TNS2: variants seen among roughly 807,000 people sequenced by gnomAD.
TNS2 encodes the protein tensin 2.
In TNS2, 77 loss-of-function variants were observed where a neutral mutation model predicts 155.7. The ratio of observed to expected loss-of-function variants is 0.49; its 90% CI spans 0.41 to 0.60. The LOEUF (loss-of-function observed/expected upper bound fraction) is 0.60, where lower values mean the gene tolerates loss of function less well. TNS2 is among the 20% of genes least tolerant of loss of function. The pLI is 0.00. For missense variants in TNS2, 1,703 were observed against 1,868.8 expected (o/e 0.91, Z 1.64); for synonymous variants, 726 against 763.9 (o/e 0.95, Z 0.82).
At chr12:53,049,278 G>T (rs765604952), upstream of TNS2, 36 of 1,587,828 alleles carry the variant, frequency 2.3e-5, 1 homozygote, top group East Asian at 3.2e-4. Context: ...GTTGCCGCGG[G>T]GGGAGGGTGC....
In TNS2 at chr12:53,060,390, T is replaced by C; in HGVS notation, c.2618-15T>C. On this transcript the variant is annotated splice_polypyrimidine_tract_variant and intron_variant, in intron 18 of 28. Transcript: ENST00000314250. The surrounding 1 kb of genome is among the most constrained non-coding windows in gnomAD (Gnocchi z 6.1). Reference sequence around the variant, plus strand: ...CCCCATCCTGCTCACAGCCCACCTCTCCCCTTCACTGCAGAGTCGCTGGAG... The same window carrying C: ...CCCCATCCTGCTCACAGCCCACCTCCCCCCTTCACTGCAGAGTCGCTGGAG... 2 of 1,609,238 alleles carry C rather than the reference T, an allele frequency of 1.2e-6. No individual in the cohort carries two copies. The highest frequency in any genetic ancestry group is 1.7e-6 in the Non-Finnish European group (2 of 1,177,290).
rs776776855 is a variant in TNS2, at chr12:53,059,592, C to A, written c.1951C>A (p.Leu651Ile). 1 of 1,610,360 alleles carries A rather than the reference C, an allele frequency of 6.2e-7. No homozygotes were observed. The highest frequency in any genetic ancestry group is 1.3e-5 in the African/African-American group (1 of 74,808). Residue 651 changes from leucine (L) to isoleucine (I), a missense_variant, in exon 18 of 29, where the codon CTA becomes ATA. Physicochemically the swap from Leu to Ile is conservative, Grantham distance 5 (BLOSUM62 2). Transcript: ENST00000314250. The surrounding 1 kb of genome is among the most constrained non-coding windows in gnomAD (Gnocchi z 4.7). ...CCTCTGCCGATCGCTGTCAGAGGGGCTATACCCCTACCCACCTGAGATGGG... is the reference window on the plus strand; with the variant it reads ...CCTCTGCCGATCGCTGTCAGAGGGGATATACCCCTACCCACCTGAGATGGG... ...RRLCRSLSEG[L>I]YPYPPEMGKP...
In TNS2 at chr12:53,063,607, G is replaced by A. The variant is rs574894624; in HGVS notation, c.4091+15G>A. The stretch of plus-strand genomic sequence containing the variant: ...ACCACCTCCAAGTAAGCCTCCCCAC[G>A]AATTCAGCCTCTTCCTTCCAAGGGA... On this transcript the variant is annotated intron_variant, in intron 28 of 28. Coordinates refer to ENST00000314250, the MANE Select transcript of TNS2 (RefSeq NM_170754.4). This position sits in a 1 kb window ranked among gnomAD's most constrained non-coding sequence, Gnocchi z 5.6. The A allele has an allele frequency of 7.4e-6, 12 of 1,613,484 alleles. No individual in the cohort carries two copies. The highest frequency in any genetic ancestry group is 1.3e-5 in the African/African-American group (1 of 74,808).
Position 53,059,410 on chromosome 12 carries a change from G to T in TNS2, c.1769G>T (p.Arg590Leu). ...VYPGHRPGLS[R>L]HCSCRQGYRE... ...CCAGGCCATAGGCCTGGCCTCAGCCGCCACTGCTCCTGCCGCCAGGGCTAC... is the reference window on the plus strand; with the variant it reads ...CCAGGCCATAGGCCTGGCCTCAGCCTCCACTGCTCCTGCCGCCAGGGCTAC... The change falls in exon 18 of 29, where the codon CGC becomes CTC. Residue 590 changes from arginine (R) to leucine (L), a missense_variant. Physicochemically the swap from Arg to Leu is moderately radical, Grantham distance 102. Transcript: ENST00000314250. The surrounding 1 kb of genome is among the most constrained non-coding windows in gnomAD (Gnocchi z 4.7). The T allele has an allele frequency of 6.1e-6, 9 of 1,473,600 alleles. No individual in the cohort carries two copies. Among genetic ancestry groups the T allele is most frequent in the Non-Finnish European group, 8.1e-6 (9 of 1,113,452 alleles). The allele number at this position is 1,473,600 out of a possible 1,614,324, so 91.3% of individuals were successfully genotyped here. A position where few individuals can be genotyped will look rare whatever the true frequency, so the allele number is the denominator to read the frequency against.
chr12:53,052,417 G>T, intron 2 of TNS2, 38 bp from the exon 3 acceptor site: 1 of 1,613,386 alleles, frequency 6.2e-7, no homozygotes, highest in Non-Finnish European at 8.5e-7. Flanking sequence ...TGTCCCACAG[G>T]CCCCTGCTAA....
At chr12:53,052,000 C>A (rs752894258) in intron 2 of TNS2, 37 bp downstream of exon 2, 104 of 1,532,116 alleles carry the variant, frequency 6.8e-5, no homozygotes, top group Middle Eastern at 3.4e-4. Context: ...AGACCCTCCA[C>A]CCAGTACCAC....
In TNS2 at chr12:53,050,230, G is replaced by T; in HGVS notation, c.45G>T (p.Gly15=). ...GPVERLLRAL[G]RRDSSRAASR... is the part of the protein sequence containing the mutation. Reference sequence around the variant, plus strand: ...TGGAGAGGCTGCTCAGAGCCCTGGGGAGGAGGGACAGCAGCCGGGCCGCAA... The same window carrying T: ...TGGAGAGGCTGCTCAGAGCCCTGGGTAGGAGGGACAGCAGCCGGGCCGCAA... The change falls in exon 1 of 29, where the codon GGG becomes GGT. Residue 15 remains glycine (G), a synonymous_variant. Transcript: ENST00000314250. This position sits in a 1 kb window ranked among gnomAD's most constrained non-coding sequence, Gnocchi z 4.7. 1 of 1,610,598 alleles carries T rather than the reference G, an allele frequency of 6.2e-7. No homozygotes were observed.
chr12:53,063,134 C>T lies in TNS2; in HGVS notation c.3869C>T (p.Thr1290Met), dbSNP rs747761927. 8 of 1,595,498 alleles carry T rather than the reference C, an allele frequency of 5.0e-6. No homozygotes were observed. Among genetic ancestry groups the T allele is most frequent in the Admixed American group, 1.7e-5 (1 of 57,416 alleles). ...ACCTCAGTGGAGACAGAGTCACTGA[C>T]GGGCCCCCAAGCTGTGGCCCGGGCC... Reference protein sequence around the residue: ...YLTSVETESLTGPQAVARASS... With the variant: ...YLTSVETESLMGPQAVARASS... Residue 1290 changes from threonine (T) to methionine (M), a missense_variant, in exon 26 of 29, where the codon ACG becomes ATG. Physicochemically the swap from Thr to Met is moderately conservative, Grantham distance 81. Coordinates refer to ENST00000314250, the MANE Select transcript of TNS2 (RefSeq NM_170754.4). The surrounding 1 kb of genome is among the most constrained non-coding windows in gnomAD (Gnocchi z 5.6).
Position 53,059,700 on chromosome 12 carries a change from C to G in TNS2, c.2059C>G (p.Leu687Val), listed in dbSNP as rs763398701. The change falls in exon 18 of 29, where the codon CTA becomes GTA. Residue 687 changes from leucine (L) to valine (V), a missense_variant. Transcript: ENST00000314250. The surrounding 1 kb of genome is among the most constrained non-coding windows in gnomAD (Gnocchi z 4.7). ...CCTGGAGGACCCTGGGCTGCCTGCCCTATACCCATGCCCAGCCTGCGAGGA... is the reference window on the plus strand; with the variant it reads ...CCTGGAGGACCCTGGGCTGCCTGCCGTATACCCATGCCCAGCCTGCGAGGA... ...VILEDPGLPA[L>V]YPCPACEEKL... 77 of 1,613,056 alleles carry G rather than the reference C, an allele frequency of 4.8e-5. No individual in the cohort carries two copies. The highest frequency in any genetic ancestry group is 5.8e-5 in the Non-Finnish European group (69 of 1,179,946).
chr12:53,060,199 G>A lies in TNS2; in HGVS notation c.2558G>A (p.Gly853Glu). ...KLSYEIPTEE[G>E]GDRYPLPGHL... ...AGCTACGAGATCCCTACGGAGGAGG[G>A]AGGGGACAGGTACCCATTGCCTGGG... Residue 853 changes from glycine (G) to glutamate (E), a missense_variant, in exon 18 of 29, where the codon GGA becomes GAA. Physicochemically the swap from Gly to Glu is moderately conservative, Grantham distance 98. Coordinates refer to ENST00000314250, the MANE Select transcript of TNS2 (RefSeq NM_170754.4). The surrounding 1 kb of genome is among the most constrained non-coding windows in gnomAD (Gnocchi z 6.1). The A allele has an allele frequency of 6.3e-7, 1 of 1,582,106 alleles. No homozygotes were observed. The highest frequency in any genetic ancestry group is 8.6e-7 in the Non-Finnish European group (1 of 1,163,354).
At chr12:53,061,288 G>A (rs770073984) in intron 20 of TNS2, 24 bp downstream of exon 20, 7 of 1,599,154 alleles carry the variant, frequency 4.4e-6, no homozygotes, top group Admixed American at 3.4e-5. Flanking sequence ...GAGGGGGTTG[G>A]TGCCACCTTG....
rs1186628065 is a variant in TNS2 at position 53,063,294 on chromosome 12, G to A, written c.3992+37G>A. 1 of 1,613,946 alleles carries A rather than the reference G, an allele frequency of 6.2e-7. No homozygotes were observed. Among genetic ancestry groups the A allele is most frequent in the Admixed American group, 1.7e-5 (1 of 60,006 alleles). ...CAGCCCTGTAGAACCCCATGCTTAA[G>A]GCCCCTGGGGGCTCATGTTTCTGAG... is the stretch of plus-strand genomic sequence containing the variant. On this transcript the variant is annotated intron_variant, in intron 26 of 28. Transcript: ENST00000314250. The surrounding 1 kb of genome is among the most constrained non-coding windows in gnomAD (Gnocchi z 5.6).
chr12:53,055,024 C>A (rs184743992), intron 7 of TNS2, among the ~76,000 whole-genome samples, 162 bp from the exon 8 acceptor site: 3 of 151,882 alleles, frequency 2.0e-5, no homozygotes, highest in African/African-American at 4.8e-5. Flanking sequence ...CCTCAGGTGA[C>A]CCGCCCGCCT....
chr12:53,062,348 C>T (rs1287273039), intron 23 of TNS2, 28 bp from the exon 24 acceptor site: 4 of 1,613,314 alleles, frequency 2.5e-6, no homozygotes, highest in Non-Finnish European at 1.7e-6. Context: ...CTGGGCATCT[C>T]GGGACTTTCC....
rs1944128830 is a variant in TNS2 at position 53,055,772 on chromosome 12, G to A, written c.697-9G>A. On this transcript the variant is annotated splice_polypyrimidine_tract_variant and intron_variant, in intron 9 of 28. Coordinates refer to ENST00000314250, the MANE Select transcript of TNS2 (RefSeq NM_170754.4). ...CCCAGACCCTCATCCCTGTCTCTCT[G>A]TCTGTCAGGGAAACAAGGGCAAGCT... 3 of 1,614,120 alleles carry A rather than the reference G, an allele frequency of 1.9e-6. No individual in the cohort carries two copies. Among genetic ancestry groups the A allele is most frequent in the South Asian group, 1.1e-5 (1 of 91,094 alleles).
intron 3 of TNS2, chr12:53,053,062 G>C (rs1943998384): frequency 2.6e-6 from 1 of 377,472 alleles, no homozygotes; most frequent in African/African-American, 2.1e-5. Flanking sequence ...GCTGGCTTGG[G>C]GGAGCTGTGT....
At position 53,054,218 on chromosome 12, in the gene TNS2, C is replaced by T. The variant is rs1944044146; in HGVS notation, c.351-52C>T. The T allele has an allele frequency of 2.5e-6, 4 of 1,608,562 alleles. 1 individual carries two copies. The South Asian group carries it at 4.4e-5, about 18-fold the overall frequency. On this transcript the variant is annotated intron_variant, in intron 6 of 28. Coordinates refer to ENST00000314250, the MANE Select transcript of TNS2 (RefSeq NM_170754.4). ...ACAGACAGCCTTCCCGTCACACTAGCCACCTCCGGGTGCCCCGCCCCTGCG... is the reference window on the plus strand; with the variant it reads ...ACAGACAGCCTTCCCGTCACACTAGTCACCTCCGGGTGCCCCGCCCCTGCG...
chr12:53,057,954 C>T (rs1944218941), intron 13 of TNS2, 73 bp from the exon 14 acceptor site: 18 of 1,608,558 alleles, frequency 1.1e-5, no homozygotes, highest in Non-Finnish European at 1.4e-5. Flanking sequence ...TCTCCTGGCT[C>T]CCCCTGACTG....
In TNS2 at chr12:53,063,070, C is replaced by T; in HGVS notation, c.3824-19C>T. On this transcript the variant is annotated intron_variant, in intron 25 of 28. Coordinates refer to ENST00000314250, the MANE Select transcript of TNS2 (RefSeq NM_170754.4). This position sits in a 1 kb window ranked among gnomAD's most constrained non-coding sequence, Gnocchi z 5.6. ...AGGGGATGGGCACTCCCTCCCTGACCCACTCCCTGCCCCTGTAGCCTGCAG... is the reference window on the plus strand; with the variant it reads ...AGGGGATGGGCACTCCCTCCCTGACTCACTCCCTGCCCCTGTAGCCTGCAG... The T allele has an allele frequency of 6.6e-7, 1 of 1,516,250 alleles. No homozygotes were observed. Among genetic ancestry groups the T allele is most frequent in the Non-Finnish European group, 8.8e-7 (1 of 1,135,142 alleles). 93.9% of individuals were successfully genotyped at this position (1,516,250 alleles called of 1,614,324 possible).
Sources: gnomAD v4.1 joint callset for allele counts (sites outside exome capture counted in the v4.1 genomes callset) on GRCh38, gnomAD v4.1.1 for gene constraint, Gnocchi (gnomAD v3.1) non-coding constraint, MANE v1.5 for transcripts, NCBI Gene and HGNC (gene_info 2026-07-23, HGNC 2026-07-21) for gene names.